Variants in AFF1 observed in about 807,000 individuals in gnomAD.
AFF1 encodes AF4/FMR2 family member 1.
AFF1 carries 48 observed loss-of-function variants against 121.7 expected under a neutral mutation model. The ratio of observed to expected loss-of-function variants is 0.39; its 90% confidence interval spans 0.31 to 0.50. The LOEUF is 0.50. Among genes scored for constraint, AFF1 ranks in the 20% least tolerant of loss-of-function variants. The probability of loss-of-function intolerance (pLI) is 0.76; values close to 1 mark genes in which losing one functional copy is unlikely to be tolerated. For missense variants in AFF1, 1,523 were observed against 1,511.7 expected (o/e 1.01, Z -0.12); for synonymous variants, 613 against 563.0 (o/e 1.09, Z -1.26).
At chr4:86,943,039 G>A (rs976748855) in intron 1 of AFF1, among the ~76,000 whole-genome samples, 1 of 152,228 alleles carries the variant, frequency 6.6e-6, no homozygotes, top group Non-Finnish European at 1.5e-5. Flanking sequence ...GGACAGCATT[G>A]TCACATTAGC....
At position 87,139,632 on chromosome 4, in the gene AFF1, G is replaced by A. The variant is rs1165683320; in HGVS notation, c.*3931G>A. On this transcript the variant is annotated 3_prime_UTR_variant, in exon 21 of 21. Coordinates refer to ENST00000395146, the MANE Select transcript of AFF1 (RefSeq NM_001166693.3). ...ATGGCAGTACCTTTTTTCCCCTCCTGTTCTTGAGCCAGTTGTCTCTTTTGT... is the reference window on the plus strand; with the variant it reads ...ATGGCAGTACCTTTTTTCCCCTCCTATTCTTGAGCCAGTTGTCTCTTTTGT... The A allele has an allele frequency of 4.4e-6, 1 of 229,492 alleles. No homozygotes were observed. The highest frequency in any genetic ancestry group is 2.2e-5 in the African/African-American group (1 of 45,110). 14.2% of individuals were successfully genotyped at this position (229,492 alleles called of 1,614,324 possible). A position where few individuals can be genotyped will look rare whatever the true frequency, so the allele number is the denominator to read the frequency against.
intron 2 of AFF1, among the ~76,000 whole-genome samples, chr4:87,032,972 G>T (rs1284439094): frequency 6.6e-6 from 1 of 152,082 alleles, no homozygotes; most frequent in Non-Finnish European, 1.5e-5. Flanking sequence ...AACAAAGCAA[G>T]ACCCCATCTC....
rs755910368 is a variant in AFF1, at chr4:87,114,749, A to G, written c.1916A>G (p.Tyr639Cys). The change falls in exon 12 of 21, where the codon TAT (tyrosine) becomes TGT (cysteine). Residue 639 changes from tyrosine to cysteine, a missense_variant. Transcript: ENST00000395146. The part of the protein sequence containing the change: ...QGEREPGLLP[Y>C]GSRDQTSKDK... ...GAAAGGGAGCCAGGGCTTCTTCCCT[A>G]TGGCTCCCGAGACCAGACTTCCAAA... 1.5e-5 allele frequency: 24 copies of G among 1,613,608 alleles called. 1 individual carries two copies. Among genetic ancestry groups the G allele is most frequent in the Admixed American group, 1.3e-4 (8 of 59,948 alleles).
intron 2 of AFF1, among the ~76,000 whole-genome samples, chr4:87,028,231 T>G (rs1728722898): frequency 6.6e-6 from 1 of 152,194 alleles, no homozygotes; most frequent in African/African-American, 2.4e-5. Context: ...TTTATACTTC[T>G]TATATAAGTT....
chr4:87,054,566 G>A (rs1317555605), intron 4 of AFF1, among the ~76,000 whole-genome samples: 4 of 152,128 alleles, frequency 2.6e-5, no homozygotes, highest in Non-Finnish European at 4.4e-5. Context: ...CCGTAAGCTC[G>A]ACCTCAGTGA....
chr4:87,132,826 G>A (rs1272543239), intron 19 of AFF1, among the ~76,000 whole-genome samples: 1 of 152,208 alleles, frequency 6.6e-6, no homozygotes, highest in Non-Finnish European at 1.5e-5. Flanking sequence ...GAGTAGCTGG[G>A]ATTACAGGCC....
chr4:87,065,702 G>C (rs1402785562), intron 4 of AFF1, among the ~76,000 whole-genome samples: 1 of 152,182 alleles, frequency 6.6e-6, no homozygotes, highest in East Asian at 1.9e-4. Flanking sequence ...TAAGTTTTAG[G>C]CCGGAGGTAA....
intron 2 of AFF1, among the ~76,000 whole-genome samples, chr4:87,004,300 T>C (rs1725927403): frequency 6.6e-6 from 1 of 152,190 alleles, no homozygotes; most frequent in Non-Finnish European, 1.5e-5. Flanking sequence ...TAGAATAAGT[T>C]TGCACCTCAA....
chr4:86,942,290 C>T (rs1720521131), intron 1 of AFF1, among the ~76,000 whole-genome samples: 1 of 152,194 alleles, frequency 6.6e-6, no homozygotes. Flanking sequence ...GAGGTAGAGA[C>T]ATTTTCTACC....
rs1378748223 is a variant in AFF1, at chr4:87,126,098, G to T, written c.2574-1G>T. 1 of 1,613,588 alleles carries T rather than the reference G, an allele frequency of 6.2e-7. No homozygotes were observed. The highest frequency in any genetic ancestry group is 8.5e-7 in the Non-Finnish European group (1 of 1,179,714). ...TAGTTTTACGTGATGTTTCACTCCA[G>T]GCCCTCCAGGCCCTCCTCACAGTCC... is the stretch of plus-strand genomic sequence containing the variant. On this transcript the variant is annotated splice_acceptor_variant, in intron 13 of 20. Transcript: ENST00000395146. LOFTEE classifies it high-confidence loss of function.
chr4:87,135,279 GATA>G lies in AFF1; in HGVS notation c.3536-298_3536-296del, dbSNP rs1443942817. Among the ~76,000 whole-genome samples, 3 of 152,248 alleles carry G rather than the reference GATA, an allele frequency of 2.0e-5. No individual in the cohort carries two copies. In the East Asian group the frequency reaches 5.8e-4, roughly 29 times the overall value. On this transcript the variant is annotated intron_variant, in intron 20 of 20. Transcript: ENST00000395146. ...AGGGCCTTATCTGTCTTATCAAACTGATAATGCTTTTAACTTTTTTTTTTCATT... is the reference window on the plus strand; with the variant it reads ...AGGGCCTTATCTGTCTTATCAAACTGATGCTTTTAACTTTTTTTTTTCATT...
intron 2 of AFF1, among the ~76,000 whole-genome samples, chr4:86,999,550 A>C (rs1310487118): frequency 6.6e-6 from 1 of 152,190 alleles, no homozygotes; most frequent in African/African-American, 2.4e-5. Context: ...TGCCCAGGAA[A>C]GTGTTTTGGG....
intron 4 of AFF1, among the ~76,000 whole-genome samples, chr4:87,077,835 G>A (rs1157490147): frequency 2.0e-5 from 3 of 152,028 alleles, no homozygotes; most frequent in South Asian, 2.1e-4. Flanking sequence ...TAGTTGCGTA[G>A]CATTTATTTC....
intron 6 of AFF1, among the ~76,000 whole-genome samples, chr4:87,090,592 C>T (rs1212148791): frequency 6.6e-6 from 1 of 152,058 alleles, no homozygotes; most frequent in Non-Finnish European, 1.5e-5. Context: ...GGATAACCTT[C>T]AAAATGTAGA....
At chr4:87,004,699 C>T (rs765260430) in intron 2 of AFF1, among the ~76,000 whole-genome samples, 7 of 152,154 alleles carry the variant, frequency 4.6e-5, no homozygotes, top group Non-Finnish European at 8.8e-5. Context: ...GATTTTGGAG[C>T]ATTTTGGATT....
intron 2 of AFF1, among the ~76,000 whole-genome samples, chr4:86,992,458 C>T (rs143152228): frequency 2.1e-3 from 313 of 152,266 alleles, no homozygotes; most frequent in Non-Finnish European, 3.6e-3. Flanking sequence ...GTCTCAACCA[C>T]GTGTACTGAG....
At chr4:86,953,781 G>A (rs557484172) in intron 2 of AFF1, among the ~76,000 whole-genome samples, 30 of 151,756 alleles carry the variant, frequency 2.0e-4, no homozygotes, top group Admixed American at 5.3e-4. Flanking sequence ...ATGCAATGGC[G>A]CGATCTCGGC....
At chr4:87,075,932 T>G (rs1722629853) in intron 4 of AFF1, among the ~76,000 whole-genome samples, 1 of 152,216 alleles carries the variant, frequency 6.6e-6, no homozygotes, top group Non-Finnish European at 1.5e-5. Context: ...AATCGAGTAT[T>G]CATTTTATAA....
In AFF1 at chr4:87,140,411, A is replaced by T. The variant is rs1359797021; in HGVS notation, c.*4710A>T. ...ATCTTGTTTTAATTTTTTTTTTCTG[A>T]ATGTGATCATGTTTTGGATGATACC... On this transcript the variant is annotated 3_prime_UTR_variant, in exon 21 of 21. Transcript: ENST00000395146. 5.4e-6 allele frequency: 1 copy of T among 185,866 alleles called. No homozygotes were observed. The highest frequency in any genetic ancestry group is 1.1e-5 in the Non-Finnish European group (1 of 88,194). 11.5% of individuals were successfully genotyped at this position (185,866 alleles called of 1,614,324 possible).
Sources: allele counts gnomAD v4.1 joint callset (sites outside exome capture counted in the v4.1 genomes callset), GRCh38; gene constraint gnomAD v4.1.1; transcripts MANE v1.5; gene names NCBI Gene and HGNC (gene_info 2026-07-23, HGNC 2026-07-21).